The following MEGF9 variants were observed in gnomAD, a reference collection of about 807,000 sequenced individuals.
MEGF9 encodes the protein multiple EGF like domains 9.
A neutral mutation model predicts 46.8 loss-of-function variants in MEGF9; 6 were observed. The ratio of observed to expected loss-of-function variants is 0.13; its 90% CI spans 0.07 to 0.25. MEGF9 has a LOEUF of 0.25. Ranked by LOEUF, MEGF9 falls within the 10% of genes least tolerant of loss-of-function variation. MEGF9 has a pLI of 1.00. For synonymous variants in MEGF9, 302 were observed against 330.7 expected (o/e 0.91, Z 0.94); for missense variants, 683 against 792.4 (o/e 0.86, Z 1.66).
chr9:120,679,018 C>G (rs963830828), intron 1 of MEGF9, among the ~76,000 whole-genome samples: 1 of 152,216 alleles, frequency 6.6e-6, no homozygotes, highest in Admixed American at 6.5e-5. Flanking sequence ...CACTTTTACA[C>G]TGTTGGTGGG....
intron 1 of MEGF9, among the ~76,000 whole-genome samples, chr9:120,708,972 G>A (rs1365562306): frequency 6.6e-6 from 1 of 152,172 alleles, no homozygotes; most frequent in Non-Finnish European, 1.5e-5. Context: ...TAATGCGGCT[G>A]CCAAAAAGCT....
chr9:120,655,092 T>A (rs539272696), intron 2 of MEGF9, among the ~76,000 whole-genome samples: 3 of 152,284 alleles, frequency 2.0e-5, no homozygotes, highest in South Asian at 2.1e-4. Context: ...GAAAACTTTT[T>A]AAAAATAAAT....
At chr9:120,659,680 G>GT (rs2043693403) in intron 1 of MEGF9, 105 bp from the exon 2 acceptor site, 1 of 944,046 alleles carries the variant, frequency 1.1e-6, no homozygotes, top group African/African-American at 1.7e-5. Context: ...TGACAACTTT[G>GT]TAAGGATAGA....
chr9:120,620,449 G>A (rs889533404), intron 3 of MEGF9, among the ~76,000 whole-genome samples: 2 of 151,942 alleles, frequency 1.3e-5, no homozygotes, highest in Admixed American at 6.6e-5. Context: ...AAAAAAAAAA[G>A]TTCTTGCCCT....
intron 1 of MEGF9, among the ~76,000 whole-genome samples, chr9:120,666,802 C>A (rs1335776349): frequency 6.6e-6 from 1 of 152,078 alleles, no homozygotes; most frequent in Non-Finnish European, 1.5e-5. Context: ...TAATGGAACA[C>A]CATTCATCAA....
chr9:120,691,284 T>C (rs1345789415), intron 1 of MEGF9: 3 of 253,232 alleles, frequency 1.2e-5, no homozygotes, highest in Non-Finnish European at 2.5e-5. Context: ...GAGGCAGGAC[T>C]GGCCATGGAG....
intron 1 of MEGF9, among the ~76,000 whole-genome samples, chr9:120,680,979 T>C (rs534313283): frequency 2.6e-5 from 4 of 152,220 alleles, no homozygotes; most frequent in African/African-American, 9.6e-5. Flanking sequence ...AGCCTAGGCC[T>C]AGGCTCCCTA....
In MEGF9 at chr9:120,622,654, T is replaced by A. The variant is rs1386451337; in HGVS notation, c.905A>T (p.Gln302Leu). The change falls in exon 3 of 6, where the codon CAA becomes CTA. Residue 302 changes from glutamine (Q) to leucine (L), a missense_variant. Physicochemically the swap from Gln to Leu is moderately radical, Grantham distance 113. This residue lies in a region of MEGF9 where 313 missense variants were observed against 421.1 expected (regional missense o/e 0.74). Coordinates refer to ENST00000373930, the MANE Select transcript of MEGF9 (RefSeq NM_001080497.3). Reference protein sequence around the residue: ...GFSKNGCLPCQCNNRSASCDA... With the variant: ...GFSKNGCLPCLCNNRSASCDA... ...GCAACTGGCAGACCGATTATTGCATTGGCAGGGCAAGCAGCCATTCTTACT... is the reference window on the plus strand; with the variant it reads ...GCAACTGGCAGACCGATTATTGCATAGGCAGGGCAAGCAGCCATTCTTACT... The A allele has an allele frequency of 6.2e-7, 1 of 1,613,796 alleles. No homozygotes were observed. Among genetic ancestry groups the A allele is most frequent in the Non-Finnish European group, 8.5e-7 (1 of 1,179,838 alleles).
Position 120,713,892 on chromosome 9 carries a change from G to A in MEGF9, c.467C>T (p.Pro156Leu). ...TACGGTGGTCGCTACAGGGGTGGTC[G>A]GCGCCGGGCCAGTGGTCGTCGAAAG... ...TTLSTTTGPA[P>L]TTPVATTVPA... The change falls in exon 1 of 6, where the codon CCG becomes CTG. Residue 156 changes from proline to leucine, a missense_variant. Physicochemically the swap from Pro to Leu is moderately conservative, Grantham distance 98. This residue lies in a region of MEGF9 where 370 missense variants were observed against 371.3 expected (regional missense o/e 1.00). Coordinates refer to ENST00000373930, the MANE Select transcript of MEGF9 (RefSeq NM_001080497.3). 3 of 1,326,836 alleles carry A rather than the reference G, an allele frequency of 2.3e-6. No homozygotes were observed. Among genetic ancestry groups the A allele is most frequent in the Non-Finnish European group, 2.9e-6 (3 of 1,034,062 alleles). 82.2% of individuals were successfully genotyped at this position (1,326,836 alleles called of 1,614,324 possible). A position where few individuals can be genotyped will look rare whatever the true frequency, so the allele number is the denominator to read the frequency against.
intron 1 of MEGF9, among the ~76,000 whole-genome samples, chr9:120,703,030 T>C (rs2043912185): frequency 6.6e-6 from 1 of 152,256 alleles, no homozygotes; most frequent in African/African-American, 2.4e-5. Flanking sequence ...AATGTTCATT[T>C]GTCCATTGTT....
intron 2 of MEGF9, among the ~76,000 whole-genome samples, chr9:120,654,250 C>G (rs555424804): frequency 6.6e-6 from 1 of 151,950 alleles, no homozygotes; most frequent in Non-Finnish European, 1.5e-5. Context: ...AATATAAAAC[C>G]ATGTGTTACC....
intron 1 of MEGF9, among the ~76,000 whole-genome samples, chr9:120,703,601 G>T (rs1448765508): frequency 6.6e-6 from 1 of 152,184 alleles, no homozygotes; most frequent in Admixed American, 6.5e-5. Flanking sequence ...AAAAATGAAA[G>T]GTAACAGTGT....
At chr9:120,648,711 C>T (rs935098864) in intron 2 of MEGF9, among the ~76,000 whole-genome samples, 2 of 152,154 alleles carry the variant, frequency 1.3e-5, no homozygotes, top group African/African-American at 4.8e-5. Context: ...GATCAAATAA[C>T]CTTTTTCTCA....
chr9:120,710,199 T>C (rs1049294658), intron 1 of MEGF9, among the ~76,000 whole-genome samples: 1 of 151,790 alleles, frequency 6.6e-6, no homozygotes, highest in Non-Finnish European at 1.5e-5. Context: ...GAGGCCAAGG[T>C]GGACAGATCA....
At chr9:120,704,076 G>C (rs1004285156) in intron 1 of MEGF9, among the ~76,000 whole-genome samples, 2 of 152,174 alleles carry the variant, frequency 1.3e-5, no homozygotes, top group Non-Finnish European at 2.9e-5. Flanking sequence ...GCTCACACCT[G>C]TAATCCCAGC....
At chr9:120,688,971 A>G (rs889811995) in intron 1 of MEGF9, among the ~76,000 whole-genome samples, 4 of 152,218 alleles carry the variant, frequency 2.6e-5, no homozygotes, top group African/African-American at 9.6e-5. Context: ...ATCATCAACA[A>G]ACTAGTGTTG....
chr9:120,654,492 CAT>C (rs1477401786), intron 2 of MEGF9, among the ~76,000 whole-genome samples: 3 of 152,184 alleles, frequency 2.0e-5, no homozygotes, highest in Non-Finnish European at 4.4e-5. Context: ...ACATATTACT[CAT>C]GTGTTCATGG....
At chr9:120,637,350 CCTT>C (rs1405114477) in intron 2 of MEGF9, among the ~76,000 whole-genome samples, 1 of 151,978 alleles carries the variant, frequency 6.6e-6, no homozygotes, top group African/African-American at 2.4e-5. Context: ...TATCTGCTGA[CCTT>C]CTCTCCACTA....
At position 120,691,968 on chromosome 9, in the gene MEGF9, T is replaced by G. The variant is rs144108853; in HGVS notation, c.601+21790A>C. ...GGTACTTCGAATACTGAATTGTGGC[T>G]ATGTACCACTCATTATTACATGATC... On this transcript the variant is annotated intron_variant, in intron 1 of 5. Transcript: ENST00000373930. Among the ~76,000 whole-genome samples the G allele has an allele frequency of 3.8e-3, 585 of 152,352 alleles. 6 individuals are homozygous for G. Among genetic ancestry groups the G allele is most frequent in the African/African-American group, 0.014 (564 of 41,588 alleles).
Sources: allele counts gnomAD v4.1 joint callset (sites outside exome capture counted in the v4.1 genomes callset), GRCh38; gene constraint gnomAD v4.1.1; regional missense constraint gnomAD v4.1.1; transcripts MANE v1.5; gene names NCBI Gene and HGNC (gene_info 2026-07-23, HGNC 2026-07-21).